Variants in CHST9 observed in about 807,000 individuals in gnomAD.
CHST9 encodes GalNAc-4-sulfotransferase 2.
A neutral mutation model predicts 44.4 loss-of-function variants in CHST9; 41 were observed. The ratio of observed to expected loss-of-function variants is 0.92; its 90% CI spans 0.72 to 1.20. The LOEUF (loss-of-function observed/expected upper bound fraction) is 1.20, where lower values mean the gene tolerates loss of function less well. Among genes scored for constraint, CHST9 ranks in the 50% most tolerant of loss-of-function variants. CHST9 has a pLI of 0.00. For synonymous variants in CHST9, 171 were observed against 178.4 expected, an observed-to-expected ratio of 0.96 and a Z score of 0.33; for missense variants, 504 against 516.5, an observed-to-expected ratio of 0.98 and a Z score of 0.23.
At chr18:27,086,377 G>C (rs2143697815) in intron 2 of CHST9, among the ~76,000 whole-genome samples, 1 of 152,334 alleles carries the variant, frequency 6.6e-6, no homozygotes, top group East Asian at 1.9e-4. Flanking sequence ...TTTGCCAAAA[G>C]TTTGGGGATA....
At chr18:27,059,239 A>G (rs892240633) in intron 2 of CHST9, among the ~76,000 whole-genome samples, 11 of 152,184 alleles carry the variant, frequency 7.2e-5, no homozygotes, top group African/African-American at 2.7e-4. Flanking sequence ...GAACTTGTAA[A>G]CCATCAATTG....
intron 2 of CHST9, among the ~76,000 whole-genome samples, chr18:27,061,904 G>A (rs1158775401): frequency 6.6e-6 from 1 of 152,176 alleles, no homozygotes; most frequent in Admixed American, 6.5e-5. Context: ...TGGAATGCAA[G>A]CATGTCGAAA....
intron 4 of CHST9, among the ~76,000 whole-genome samples, chr18:27,017,389 T>C (rs1190394467): frequency 8.5e-5 from 13 of 152,296 alleles, no homozygotes; most frequent in Admixed American, 5.2e-4. Flanking sequence ...GGATAAGTAA[T>C]TTGTAATGTA....
chr18:26,908,561 G>T lies in CHST9; in HGVS notation c.*7698C>A, dbSNP rs2055399096. 1 of 152,128 alleles carries T rather than the reference G, an allele frequency of 6.6e-6. No homozygotes were observed. The highest frequency in any genetic ancestry group is 1.5e-5 in the Non-Finnish European group (1 of 68,014). 9.4% of individuals were successfully genotyped at this position (152,128 alleles called of 1,614,324 possible). On this transcript the variant is annotated 3_prime_UTR_variant, in exon 6 of 6. Coordinates refer to ENST00000618847, the MANE Select transcript of CHST9 (RefSeq NM_031422.6). Reference sequence around the variant, plus strand: ...AAAGAAGAAAAATGCAAAGAGAAAAGAAGTAATTTTTAAATAAATAAATAA... The same window carrying T: ...AAAGAAGAAAAATGCAAAGAGAAAATAAGTAATTTTTAAATAAATAAATAA...
chr18:27,087,245 C>T (rs995292571), intron 2 of CHST9, among the ~76,000 whole-genome samples: 3 of 152,070 alleles, frequency 2.0e-5, no homozygotes, highest in African/African-American at 7.2e-5. Flanking sequence ...GAAATGTCAG[C>T]ATGAAGATAG....
chr18:26,922,824 C>CG (rs1568092728), intron 5 of CHST9, among the ~76,000 whole-genome samples: 1 of 151,942 alleles, frequency 6.6e-6, no homozygotes, highest in Admixed American at 6.6e-5. Flanking sequence ...TTAGTAGAGA[C>CG]GGGGTCTCAC....
At chr18:27,141,122 G>C (rs1454570687) in intron 2 of CHST9, among the ~76,000 whole-genome samples, 1 of 152,132 alleles carries the variant, frequency 6.6e-6, no homozygotes, top group African/African-American at 2.4e-5. Context: ...ACTTTGGGAG[G>C]CCTAGGCGAG....
chr18:26,968,172 A>G (rs2056491555), intron 4 of CHST9, among the ~76,000 whole-genome samples: 1 of 152,166 alleles, frequency 6.6e-6, no homozygotes, highest in African/African-American at 2.4e-5. Context: ...TCGTATATGC[A>G]TCTATCCCAT....
chr18:27,119,025 T>C (rs921352058), intron 2 of CHST9, among the ~76,000 whole-genome samples: 3 of 152,242 alleles, frequency 2.0e-5, no homozygotes, highest in African/African-American at 7.2e-5. Flanking sequence ...TCTTTTCTTT[T>C]TTTGGAACCA....
chr18:26,959,648 A>G (rs1353270675), intron 4 of CHST9, among the ~76,000 whole-genome samples: 1 of 152,230 alleles, frequency 6.6e-6, no homozygotes, highest in Non-Finnish European at 1.5e-5. Flanking sequence ...GGGAATGTCT[A>G]AGGAACAGTA....
intron 1 of CHST9, among the ~76,000 whole-genome samples, chr18:27,152,222 T>C (rs1431665394): frequency 6.6e-6 from 1 of 152,212 alleles, no homozygotes; most frequent in African/African-American, 2.4e-5. Context: ...TTAGCTGTTG[T>C]GATTAAGACT....
chr18:27,071,901 C>T (rs917471681), intron 2 of CHST9, among the ~76,000 whole-genome samples: 3 of 152,150 alleles, frequency 2.0e-5, no homozygotes, highest in African/African-American at 7.2e-5. Context: ...CTCATCTTCC[C>T]CTTTTTCCTG....
intron 2 of CHST9, among the ~76,000 whole-genome samples, chr18:27,061,708 G>A (rs2057723732): frequency 6.6e-6 from 1 of 151,998 alleles, no homozygotes; most frequent in Non-Finnish European, 1.5e-5. Context: ...TGGCCCCAGT[G>A]CACGTGCATG....
intron 5 of CHST9, among the ~76,000 whole-genome samples, chr18:26,918,780 C>CT (rs1467607664): frequency 2.0e-5 from 3 of 151,872 alleles, no homozygotes; most frequent in Admixed American, 6.6e-5. Context: ...AAGGGCACTG[C>CT]TTTTTTTTCT....
At chr18:27,018,397 T>C (rs1333709762) in intron 4 of CHST9, among the ~76,000 whole-genome samples, 1 of 152,072 alleles carries the variant, frequency 6.6e-6, no homozygotes, top group Non-Finnish European at 1.5e-5. Context: ...ACTTTTTCTT[T>C]GCTAATTATT....
chr18:26,939,919 A>G lies in CHST9; in HGVS notation c.240+4410T>C, dbSNP rs567863124. On this transcript the variant is annotated intron_variant, in intron 5 of 5. Coordinates refer to ENST00000618847, the MANE Select transcript of CHST9 (RefSeq NM_031422.6). ...GAGGTTCTAAGCACCAGGTGAAACT[A>G]TACTCACCCACTCCATACCCCCTCC... Among the ~76,000 whole-genome samples, 3 of 152,198 alleles carry G rather than the reference A, an allele frequency of 2.0e-5. No homozygotes were observed. In the South Asian group the frequency reaches 6.2e-4, roughly 32 times the overall value.
chr18:27,108,207 T>G (rs1167867967), intron 2 of CHST9, among the ~76,000 whole-genome samples: 2 of 152,148 alleles, frequency 1.3e-5, no homozygotes, highest in African/African-American at 4.8e-5. Flanking sequence ...CCTGTGTAGC[T>G]CTCCCCTCAC....
chr18:27,027,662 A>G (rs1271826577), intron 3 of CHST9, among the ~76,000 whole-genome samples: 1 of 152,228 alleles, frequency 6.6e-6, no homozygotes. Flanking sequence ...CTAATTTAGT[A>G]TCATAAGAAT....
At chr18:26,969,360 TTCTC>T (rs139727723) in intron 4 of CHST9, among the ~76,000 whole-genome samples, 2,148 of 128,738 alleles carry the variant, frequency 0.017, 62 homozygotes, top group African/African-American at 0.055. Flanking sequence ...CCTTTTTTGA[TTCTC>T]TCTCTCTCTC....
Sources: allele counts gnomAD v4.1 joint callset (sites outside exome capture counted in the v4.1 genomes callset), GRCh38; gene constraint gnomAD v4.1.1; transcripts MANE v1.5; gene names NCBI Gene and HGNC (gene_info 2026-07-23, HGNC 2026-07-21).